Variants in MYRIP observed in about 807,000 individuals in gnomAD.
MYRIP encodes rab effector MyRIP.
Under a neutral mutation model 98.0 loss-of-function variants are expected in MYRIP, and 49 were observed. The observed-to-expected ratio is 0.50, with a 90% CI of 0.40 to 0.63. The LOEUF is 0.63. Among genes scored for constraint, MYRIP ranks in the 30% least tolerant of loss-of-function variants. The probability of loss-of-function intolerance (pLI) is 0.00; values close to 1 mark genes in which losing one functional copy is unlikely to be tolerated. For synonymous variants in MYRIP, 404 were observed against 409.5 expected (o/e 0.99, Z 0.16); for missense variants, 1,004 against 1,058.2 (o/e 0.95, Z 0.71).
intron 8 of MYRIP, among the ~76,000 whole-genome samples, chr3:40,170,690 T>C (rs1194794401): frequency 1.3e-5 from 2 of 152,186 alleles, no homozygotes; most frequent in East Asian, 3.9e-4. Flanking sequence ...CAGTTGAGGA[T>C]ATGCAAAGTG....
At chr3:39,887,523 T>G (rs1345269987) in intron 1 of MYRIP, among the ~76,000 whole-genome samples, 4 of 152,146 alleles carry the variant, frequency 2.6e-5, no homozygotes, top group Non-Finnish European at 5.9e-5. Context: ...TGATGGGACG[T>G]ATTTCAAAAT....
At chr3:39,972,667 G>A (rs1259050069) in intron 2 of MYRIP, among the ~76,000 whole-genome samples, 1 of 152,034 alleles carries the variant, frequency 6.6e-6, no homozygotes, top group Non-Finnish European at 1.5e-5. Context: ...TGCTTCGGCA[G>A]ATTAAAACGG....
intron 1 of MYRIP, among the ~76,000 whole-genome samples, chr3:39,844,434 T>A (rs186076711): frequency 5.9e-5 from 9 of 152,306 alleles, no homozygotes; most frequent in Admixed American, 5.9e-4. Flanking sequence ...CCTGCTTATA[T>A]TGGTTGATTA....
In MYRIP at chr3:40,184,000, A is replaced by G. The variant is rs1006272631; in HGVS notation, c.1027+1627A>G. Among the ~76,000 whole-genome samples, 11 of 152,242 alleles carry G rather than the reference A, an allele frequency of 7.2e-5. No homozygotes were observed. In the East Asian group the frequency reaches 2.1e-3, roughly 29 times the overall value. On this transcript the variant is annotated intron_variant, in intron 9 of 16. Transcript: ENST00000302541. ...ATTATTTTTATATTAACCTTTTAGT[A>G]CCTATTAGTAGAAACTGCAGTGCCA...
At chr3:39,882,595 G>GCTAAGTGCC (rs1223729586) in intron 1 of MYRIP, among the ~76,000 whole-genome samples, 1 of 152,108 alleles carries the variant, frequency 6.6e-6, no homozygotes, top group East Asian at 1.9e-4. Flanking sequence ...TAAGAGCATG[G>GCTAAGTGCC]TCTTTGGAGG....
intron 3 of MYRIP, chr3:40,100,195 A>G (rs72856906): frequency 0.012 from 12,078 of 985,406 alleles, 172 homozygotes; most frequent in African/African-American, 0.058. Context: ...ATTTCTCAAG[A>G]CACGTGAGCT....
chr3:39,898,508 A>T (rs1490088038), intron 1 of MYRIP, among the ~76,000 whole-genome samples: 1 of 152,080 alleles, frequency 6.6e-6, no homozygotes, highest in South Asian at 2.1e-4. Flanking sequence ...GGCTAGAAAA[A>T]GGGGGCAGGG....
Position 40,108,174 on chromosome 3 carries a change from T to TGTGA in MYRIP, c.333-42873_333-42872insTGAG, listed in dbSNP as rs1949087139. ...CTTAGTTATGAGTTAGCAGTGTTTG[T>TGTGA]GAGAGAGAGAGAGAGAGAGAGAGAG... On this transcript the variant is annotated intron_variant, in intron 3 of 16. Transcript: ENST00000302541. Among the ~76,000 whole-genome samples the TGTGA allele has an allele frequency of 2.9e-5, 4 of 138,204 alleles. No individual in the cohort carries two copies. The South Asian group carries it at 7.0e-4, about 24-fold the overall frequency. The allele number at this position is 138,204 out of a possible 152,430, so 90.7% of individuals were successfully genotyped here. A position where few individuals can be genotyped will look rare whatever the true frequency, so the allele number is the denominator to read the frequency against.
intron 5 of MYRIP, 109 bp downstream of exon 5, chr3:40,162,919 C>T: frequency 3.2e-6 from 3 of 927,192 alleles, no homozygotes; most frequent in Non-Finnish European, 5.2e-6. Flanking sequence ...CCAGATGCAA[C>T]TATCTACTAC....
intron 12 of MYRIP, among the ~76,000 whole-genome samples, chr3:40,236,487 G>T (rs1180207901): frequency 6.6e-6 from 1 of 152,184 alleles, no homozygotes; most frequent in African/African-American, 2.4e-5. Flanking sequence ...GTCCCTTGAG[G>T]AGTTGTGTGT....
intron 1 of MYRIP, among the ~76,000 whole-genome samples, chr3:39,862,476 G>A (rs4676526): frequency 0.32 from 48,981 of 151,682 alleles, 8,040 homozygotes; most frequent in Middle Eastern, 0.47. Flanking sequence ...AATCAAATAT[G>A]CAAAAAGCAG....
intron 1 of MYRIP, among the ~76,000 whole-genome samples, chr3:39,843,392 A>G (rs1941864210): frequency 6.6e-6 from 1 of 152,226 alleles, no homozygotes; most frequent in Non-Finnish European, 1.5e-5. Flanking sequence ...AAGAAAAAGA[A>G]AAAAAGAAAC....
At chr3:39,935,558 G>A (rs566575493) in intron 2 of MYRIP, among the ~76,000 whole-genome samples, 1 of 152,134 alleles carries the variant, frequency 6.6e-6, no homozygotes, top group Non-Finnish European at 1.5e-5. Context: ...TTCCATATGG[G>A]AATTTCTTCT....
intron 10 of MYRIP, among the ~76,000 whole-genome samples, chr3:40,193,259 G>T (rs1279119589): frequency 6.6e-6 from 1 of 152,168 alleles, no homozygotes. Flanking sequence ...GGGATGCATT[G>T]TCTGTGGAGA....
intron 3 of MYRIP, among the ~76,000 whole-genome samples, chr3:40,091,541 G>A (rs755183082): frequency 1.3e-5 from 2 of 152,110 alleles, no homozygotes; most frequent in Non-Finnish European, 2.9e-5. Flanking sequence ...AAATTTAATG[G>A]TCATGTGGCA....
intron 16 of MYRIP, among the ~76,000 whole-genome samples, chr3:40,252,522 G>A (rs916175987): frequency 2.0e-5 from 3 of 152,164 alleles, no homozygotes; most frequent in African/African-American, 4.8e-5. Flanking sequence ...CACCGTAAGG[G>A]AAAGATGAAA....
intron 2 of MYRIP, among the ~76,000 whole-genome samples, chr3:40,038,538 T>C (rs1323284868): frequency 6.6e-6 from 1 of 151,988 alleles, no homozygotes; most frequent in Admixed American, 6.6e-5. Flanking sequence ...TAAACAATAT[T>C]CTGAAAGAAA....
At chr3:40,115,338 T>C (rs924986194) in intron 3 of MYRIP, among the ~76,000 whole-genome samples, 6 of 152,210 alleles carry the variant, frequency 3.9e-5, no homozygotes, top group African/African-American at 1.4e-4. Context: ...TAGGTTTAAT[T>C]GGCTCACTGT....
At chr3:40,234,154 A>G in intron 12 of MYRIP, 101 bp downstream of exon 12, 2 of 1,170,158 alleles carry the variant, frequency 1.7e-6, no homozygotes, top group Non-Finnish European at 2.3e-6. Context: ...ACACACATAC[A>G]CACACACACC....
Sources: gnomAD v4.1 joint callset for allele counts (sites outside exome capture counted in the v4.1 genomes callset) on GRCh38, gnomAD v4.1.1 for gene constraint, MANE v1.5 for transcripts, NCBI Gene and HGNC (gene_info 2026-07-23, HGNC 2026-07-21) for gene names.